Variants in ADSS1 observed in about 807,000 individuals in gnomAD.
ADSS1 encodes adenylosuccinate synthetase isozyme 1.
Under a neutral mutation model 59.1 loss-of-function variants are expected in ADSS1, and 57 were observed. The observed-to-expected ratio is 0.97, with a 90% CI of 0.78 to 1.20. The LOEUF (loss-of-function observed/expected upper bound fraction) is 1.20. ADSS1 is among the 50% of genes most tolerant of loss of function. The pLI is 0.00. For synonymous variants in ADSS1, 247 were observed against 249.4 expected (o/e 0.99, Z 0.09); for missense variants, 603 against 610.3 (o/e 0.99, Z 0.13).
rs370357731 is a variant in ADSS1, at chr14:104,739,747, C to T, written c.410-3C>T. ...TGCTGCCCTCACCTGGCCCGCCCGA[C>T]AGTGTTTGATTTTCACCAGGCTGTC... On this transcript the variant is annotated splice_polypyrimidine_tract_variant and splice_region_variant and intron_variant, in intron 4 of 12. Coordinates refer to ENST00000330877, the MANE Select transcript of ADSS1 (RefSeq NM_152328.5). The T allele has an allele frequency of 6.2e-6, 10 of 1,613,774 alleles. No homozygotes were observed. The African/African-American group carries it at 1.3e-4, about 22-fold the overall frequency.
Position 104,746,661 on chromosome 14 carries a change from A to G in ADSS1, c.1321+276A>G, listed in dbSNP as rs954840545. Among the ~76,000 whole-genome samples the G allele has an allele frequency of 2.0e-5, 3 of 152,204 alleles. No individual in the cohort carries two copies. The highest frequency in any genetic ancestry group is 4.4e-5 in the Non-Finnish European group (3 of 68,028). Reference sequence around the variant, plus strand: ...TGAGTGTGTCATGTTTACCCTCATAACCCAGAGGTGTTTGCACCTACAGAG... The same window carrying G: ...TGAGTGTGTCATGTTTACCCTCATAGCCCAGAGGTGTTTGCACCTACAGAG... On this transcript the variant is annotated intron_variant, in intron 12 of 12. Transcript: ENST00000330877.
intron 2 of ADSS1, among the ~76,000 whole-genome samples, chr14:104,736,969 A>G (rs2140789156): frequency 6.8e-6 from 1 of 146,850 alleles, no homozygotes; most frequent in Non-Finnish European, 1.5e-5. Flanking sequence ...CTGGCCTCCA[A>G]CTCCTGGCCT....
chr14:104,730,558 G>T (rs527737753), intron 1 of ADSS1, among the ~76,000 whole-genome samples: 1 of 152,178 alleles, frequency 6.6e-6, no homozygotes, highest in East Asian at 1.9e-4. Context: ...GGAGACTATA[G>T]ATAGATAGAT....
In ADSS1 at chr14:104,740,478, C is replaced by G; in HGVS notation, c.477-123C>G. On this transcript the variant is annotated intron_variant, in intron 5 of 12. Transcript: ENST00000330877. This position sits in a 1 kb window ranked among gnomAD's most constrained non-coding sequence, Gnocchi z 4.8. ...ACACACGCACACACTCACAGCTCAG[C>G]CAGACACAGGCAGCAATGGTGGGCA... is the stretch of plus-strand genomic sequence containing the variant. 1.2e-6 allele frequency: 1 copy of G among 828,814 alleles called. No individual in the cohort carries two copies. The highest frequency in any genetic ancestry group is 2.0e-6 in the Non-Finnish European group (1 of 508,764). 51.3% of individuals were successfully genotyped at this position (828,814 alleles called of 1,614,324 possible).
rs1230171229 is a variant in ADSS1 at position 104,745,313 on chromosome 14, T to C, written c.1171+404T>C. On this transcript the variant is annotated intron_variant, in intron 11 of 12. Coordinates refer to ENST00000330877, the MANE Select transcript of ADSS1 (RefSeq NM_152328.5). ...TATGCGGACGTACAGGATGACTATT[T>C]CATCTGAGAAAATACGCTTTGTGGC... The C allele has an allele frequency of 6.7e-5, 11 of 164,492 alleles. No individual in the cohort carries two copies. In the South Asian group the frequency reaches 1.7e-3, roughly 26 times the overall value. The allele number at this position is 164,492 out of a possible 1,614,324, so 10.2% of individuals were successfully genotyped here. A position where few individuals can be genotyped will look rare whatever the true frequency, so the allele number is the denominator to read the frequency against.
chr14:104,731,623 G>T (rs1190310455), intron 1 of ADSS1, among the ~76,000 whole-genome samples: 1 of 152,234 alleles, frequency 6.6e-6, no homozygotes, highest in African/African-American at 2.4e-5. Context: ...CAGCCGAGGG[G>T]TGCCTGGCAG....
At chr14:104,745,168 C>A (rs1425609811) in intron 11 of ADSS1, 2 of 430,730 alleles carry the variant, frequency 4.6e-6, no homozygotes, top group Non-Finnish European at 8.5e-6. Flanking sequence ...GGGGGACAGA[C>A]TACTCGCCTG....
chr14:104,745,551 C>T (rs1891523852), intron 11 of ADSS1: 1 of 153,264 alleles, frequency 6.5e-6, no homozygotes, highest in Non-Finnish European at 1.5e-5. Flanking sequence ...TGGCTGGTCT[C>T]CACTCAGCAG....
Position 104,747,089 on chromosome 14 carries a change from C to T in ADSS1, c.*86C>T, listed in dbSNP as rs1891594597. 1 of 1,242,432 alleles carries T rather than the reference C, an allele frequency of 8.0e-7. No homozygotes were observed. Among genetic ancestry groups the T allele is most frequent in the Admixed American group, 2.0e-5 (1 of 48,816 alleles). The allele number at this position is 1,242,432 out of a possible 1,614,324, so 77.0% of individuals were successfully genotyped here. The stretch of plus-strand genomic sequence containing the variant: ...AGTCACGTTCCTCGGCCGCCACAAC[C>T]AACACCAAAGCAGGAAAACCATTTT... On this transcript the variant is annotated 3_prime_UTR_variant, in exon 13 of 13. Coordinates refer to ENST00000330877, the MANE Select transcript of ADSS1 (RefSeq NM_152328.5).
intron 1 of ADSS1, among the ~76,000 whole-genome samples, chr14:104,731,066 A>G (rs1397050132): frequency 2.4e-5 from 1 of 42,024 alleles, no homozygotes; most frequent in Non-Finnish European, 4.8e-5. Flanking sequence ...GCAGGTAGAG[A>G]GCGCCAGGGG....
chr14:104,740,518 C>T lies in ADSS1; in HGVS notation c.477-83C>T, dbSNP rs1163404726. The T allele has an allele frequency of 4.7e-6, 6 of 1,268,040 alleles. No homozygotes were observed. In the South Asian group the frequency reaches 5.0e-5, roughly 11 times the overall value. The allele number at this position is 1,268,040 out of a possible 1,614,324, so 78.5% of individuals were successfully genotyped here. On this transcript the variant is annotated intron_variant, in intron 5 of 12. Coordinates refer to ENST00000330877, the MANE Select transcript of ADSS1 (RefSeq NM_152328.5). This position sits in a 1 kb window ranked among gnomAD's most constrained non-coding sequence, Gnocchi z 4.8. The stretch of plus-strand genomic sequence containing the variant: ...AATGGTGGGCACTGGAGTCATGAGC[C>T]GGCGGGGGTCATGGCCTCAGTGGGA...
At chr14:104,743,447 A>G (rs1008233848) in intron 10 of ADSS1, 2 of 464,738 alleles carry the variant, frequency 4.3e-6, no homozygotes, top group Non-Finnish European at 7.9e-6. Flanking sequence ...GCATCCCGGC[A>G]CTTGTGAGAG....
At position 104,724,387 on chromosome 14, in the gene ADSS1, G is replaced by A; in HGVS notation, c.117G>A (p.Ala39=). The A allele has an allele frequency of 7.9e-7, 1 of 1,258,106 alleles. No homozygotes were observed. The highest frequency in any genetic ancestry group is 3.0e-5 in the East Asian group (1 of 33,146). The allele number at this position is 1,258,106 out of a possible 1,614,324, so 77.9% of individuals were successfully genotyped here. Residue 39 remains alanine, a synonymous_variant, in exon 1 of 13, where the codon GCG becomes GCA. Coordinates refer to ENST00000330877, the MANE Select transcript of ADSS1 (RefSeq NM_152328.5). ...TGSRVTVVLG[A]QWGDEGKGKV... ...CCCGCGTGACGGTGGTGCTGGGCGCGCAGTGGGGGGACGAGGGCAAAGGCA... is the reference window on the plus strand; with the variant it reads ...CCCGCGTGACGGTGGTGCTGGGCGCACAGTGGGGGGACGAGGGCAAAGGCA...
chr14:104,725,787 C>T (rs969173064), intron 1 of ADSS1, among the ~76,000 whole-genome samples: 10 of 152,294 alleles, frequency 6.6e-5, no homozygotes, highest in African/African-American at 2.4e-4. Flanking sequence ...GGGGCAGCCC[C>T]GGCCCCTGAC....
At position 104,744,920 on chromosome 14, in the gene ADSS1, T is replaced by C. The variant is rs772716447; in HGVS notation, c.1171+11T>C. ...TTCCCTATTTCCCAGGTATGTGAAGTGGGGCAACCGTTCTGCCTGTTGGGC... is the reference window on the plus strand; with the variant it reads ...TTCCCTATTTCCCAGGTATGTGAAGCGGGGCAACCGTTCTGCCTGTTGGGC... On this transcript the variant is annotated intron_variant, in intron 11 of 12. Transcript: ENST00000330877. 1.7e-5 allele frequency: 27 copies of C among 1,613,050 alleles called. No individual in the cohort carries two copies. The highest frequency in any genetic ancestry group is 2.3e-5 in the Non-Finnish European group (27 of 1,179,390).
intron 11 of ADSS1, 102 bp from the exon 12 acceptor site, chr14:104,746,134 G>C (rs1891546270): frequency 2.7e-6 from 4 of 1,464,330 alleles, no homozygotes; most frequent in South Asian, 2.7e-5. Context: ...TGAGTCCCTA[G>C]GCAAGGAGGC....
At chr14:104,726,049 G>A (rs1467697721) in intron 1 of ADSS1, among the ~76,000 whole-genome samples, 1 of 152,180 alleles carries the variant, frequency 6.6e-6, no homozygotes, top group Non-Finnish European at 1.5e-5. Context: ...GATGCAGCAG[G>A]CTGGAGCCCA....
rs931773507 is a variant in ADSS1, at chr14:104,742,943, C to T, written c.949-124C>T. 157 of 1,399,054 alleles carry T rather than the reference C, an allele frequency of 1.1e-4. 1 individual carries two copies. In the South Asian group the frequency reaches 1.7e-3, roughly 15 times the overall value. The allele number at this position is 1,399,054 out of a possible 1,614,324, so 86.7% of individuals were successfully genotyped here. A position where few individuals can be genotyped will look rare whatever the true frequency, so the allele number is the denominator to read the frequency against. On this transcript the variant is annotated intron_variant, in intron 9 of 12. Coordinates refer to ENST00000330877, the MANE Select transcript of ADSS1 (RefSeq NM_152328.5). ...TCCGGGAGCTGGATGTAAGGACTGTCGGTGGAGGCGGGGCACCCTCAGGGA... is the reference window on the plus strand; with the variant it reads ...TCCGGGAGCTGGATGTAAGGACTGTTGGTGGAGGCGGGGCACCCTCAGGGA...
In ADSS1 at chr14:104,740,152, G is replaced by C. The variant is rs1049160598; in HGVS notation, c.476+336G>C. On this transcript the variant is annotated intron_variant, in intron 5 of 12. Coordinates refer to ENST00000330877, the MANE Select transcript of ADSS1 (RefSeq NM_152328.5). The surrounding 1 kb of genome is among the most constrained non-coding windows in gnomAD (Gnocchi z 4.8). ...ACACGAGGAACACTAAAGCAGTTTA[G>C]TAGAACCTCAGATGTGCCAAGGACA... Among the ~76,000 whole-genome samples, 1 of 152,124 alleles carries C rather than the reference G, an allele frequency of 6.6e-6. No individual in the cohort carries two copies. The highest frequency in any genetic ancestry group is 1.5e-5 in the Non-Finnish European group (1 of 68,024).
Sources: allele counts gnomAD v4.1 joint callset (sites outside exome capture counted in the v4.1 genomes callset), GRCh38; gene constraint gnomAD v4.1.1; non-coding constraint Gnocchi (gnomAD v3.1); transcripts MANE v1.5; gene names NCBI Gene and HGNC (gene_info 2026-07-23, HGNC 2026-07-21).